Variants in THSD7B observed in about 807,000 individuals in gnomAD.
THSD7B encodes thrombospondin type-1 domain-containing protein 7B.
THSD7B carries 138 observed loss-of-function variants against 213.6 expected under a neutral mutation model. The ratio of observed to expected loss-of-function variants is 0.65; its 90% CI spans 0.56 to 0.74. The LOEUF (loss-of-function observed/expected upper bound fraction) is 0.74, where lower values mean the gene tolerates loss of function less well. THSD7B is among the 30% of genes least tolerant of loss of function. The pLI is 0.00. For synonymous variants in THSD7B, 742 were observed against 687.0 expected (o/e 1.08, Z -1.25); for missense variants, 1,931 against 1,991.5 (o/e 0.97, Z 0.58).
chr2:137,251,399 T>C (rs907792614), intron 10 of THSD7B, among the ~76,000 whole-genome samples: 24 of 152,210 alleles, frequency 1.6e-4, no homozygotes, highest in African/African-American at 4.6e-4. Context: ...CTGTCTATTA[T>C]CTGTAATGAA....
intron 12 of THSD7B, among the ~76,000 whole-genome samples, chr2:137,388,047 A>G (rs1685935466): frequency 6.6e-6 from 1 of 152,210 alleles, no homozygotes; most frequent in African/African-American, 2.4e-5. Context: ...ATCATGTAAG[A>G]GAGACTCTAG....
Position 137,519,914 on chromosome 2 carries a change from G to A in THSD7B, c.3139-43307G>A, listed in dbSNP as rs186768726. On this transcript the variant is annotated intron_variant, in intron 15 of 27. Transcript: ENST00000409968. ...ACATATCTCAGAGAATGAGTGAATC[G>A]CAGCAAGAGAATATAAAGTTTTCAG... 2.6e-5 allele frequency among the ~76,000 whole-genome samples: 4 copies of A among 152,230 alleles called. No individual in the cohort carries two copies. In the East Asian group the frequency reaches 5.8e-4, roughly 22 times the overall value.
intron 2 of THSD7B, among the ~76,000 whole-genome samples, chr2:137,047,456 G>C (rs1433341600): frequency 6.6e-6 from 1 of 152,200 alleles, no homozygotes; most frequent in Non-Finnish European, 1.5e-5. Flanking sequence ...GCAGTGAAAG[G>C]AAAGTGACTT....
chr2:137,376,821 C>G (rs1685667549), intron 12 of THSD7B, among the ~76,000 whole-genome samples: 1 of 152,178 alleles, frequency 6.6e-6, no homozygotes, highest in South Asian at 2.1e-4. Flanking sequence ...ACACAGAATT[C>G]TGATGCAGGA....
At chr2:137,580,325 T>G (rs1681548008) in intron 17 of THSD7B, among the ~76,000 whole-genome samples, 1 of 152,180 alleles carries the variant, frequency 6.6e-6, no homozygotes, top group Non-Finnish European at 1.5e-5. Flanking sequence ...CTTCCATCTG[T>G]GTATCTAATT....
chr2:137,384,088 A>T (rs1324479684), intron 12 of THSD7B, among the ~76,000 whole-genome samples: 1 of 152,134 alleles, frequency 6.6e-6, no homozygotes, highest in Admixed American at 6.6e-5. Context: ...GGCACCTGAT[A>T]CCTAGCTTTG....
At chr2:137,243,106 A>T (rs1359126390) in intron 10 of THSD7B, among the ~76,000 whole-genome samples, 3 of 152,216 alleles carry the variant, frequency 2.0e-5, no homozygotes, top group African/African-American at 4.8e-5. Flanking sequence ...ATCTGGGTAT[A>T]TTTGAAGGTA....
rs906760318 is a variant in THSD7B, at chr2:137,503,418, C to T, written c.3138+52395C>T. 3.3e-5 allele frequency among the ~76,000 whole-genome samples: 5 copies of T among 152,118 alleles called. No individual in the cohort carries two copies. In the East Asian group the frequency reaches 9.6e-4, roughly 29 times the overall value. ...CAGCTATTCCCCATTTTAAGCTTGTCCTACACCCTGTATGAATAAACATGT... is the reference window on the plus strand; with the variant it reads ...CAGCTATTCCCCATTTTAAGCTTGTTCTACACCCTGTATGAATAAACATGT... On this transcript the variant is annotated intron_variant, in intron 15 of 27. Transcript: ENST00000409968.
chr2:137,271,744 G>A (rs1176038906), intron 10 of THSD7B, among the ~76,000 whole-genome samples: 1 of 151,854 alleles, frequency 6.6e-6, no homozygotes, highest in African/African-American at 2.4e-5. Flanking sequence ...AGAGATTTGT[G>A]TGTGCATTTA....
At chr2:137,116,000 GA>G (rs1170126730) in intron 5 of THSD7B, among the ~76,000 whole-genome samples, 1 of 152,206 alleles carries the variant, frequency 6.6e-6, no homozygotes. Context: ...ACTCCCTGCA[GA>G]AGTGGTAAAG....
chr2:137,623,563 T>C (rs1682562660), intron 20 of THSD7B, among the ~76,000 whole-genome samples: 1 of 152,200 alleles, frequency 6.6e-6, no homozygotes, highest in Non-Finnish European at 1.5e-5. Flanking sequence ...ATGACATGAT[T>C]GTATATTGAG....
At chr2:136,822,528 A>T (rs1009008867) in intron 1 of THSD7B, among the ~76,000 whole-genome samples, 16 of 152,076 alleles carry the variant, frequency 1.1e-4, no homozygotes, top group African/African-American at 3.6e-4. Flanking sequence ...AACAGTCATT[A>T]TTTTCCCCAT....
At chr2:137,271,438 A>ATGGCTTCATTC (rs1682735107) in intron 10 of THSD7B, among the ~76,000 whole-genome samples, 9 of 134,750 alleles carry the variant, frequency 6.7e-5, no homozygotes, top group African/African-American at 2.0e-4. Context: ...TAATATATAT[A>ATGGCTTCATTC]ATATAATATA....
At chr2:137,622,217 C>A (rs1682533299) in intron 20 of THSD7B, among the ~76,000 whole-genome samples, 1 of 151,708 alleles carries the variant, frequency 6.6e-6, no homozygotes, top group Admixed American at 6.6e-5. Context: ...AACTCATGTT[C>A]CTCTCACATG....
intron 4 of THSD7B, among the ~76,000 whole-genome samples, chr2:137,104,624 G>GT (rs1382940856): frequency 3.3e-5 from 5 of 152,092 alleles, no homozygotes; most frequent in African/African-American, 1.2e-4. Context: ...CCAAGAGCTT[G>GT]TTTTTTGAAA....
chr2:137,491,411 A>G (rs1688603858), intron 15 of THSD7B, among the ~76,000 whole-genome samples: 6 of 152,218 alleles, frequency 3.9e-5, no homozygotes, highest in African/African-American at 1.4e-4. Context: ...AACTATTACT[A>G]TTTCTGAATT....
intron 1 of THSD7B, among the ~76,000 whole-genome samples, chr2:136,805,655 C>T (rs1017827814): frequency 6.6e-6 from 1 of 152,242 alleles, no homozygotes; most frequent in Admixed American, 6.5e-5. Context: ...CATCTTCAGG[C>T]TCCTTTGCCC....
chr2:137,160,179 A>C (rs780542391), intron 5 of THSD7B, 34 bp from the exon 6 acceptor site: 2 of 1,593,536 alleles, frequency 1.3e-6, no homozygotes, highest in East Asian at 2.3e-5. Context: ...TGTCCAGAGA[A>C]TGTGACATGG....
At chr2:137,160,401 T>G in intron 6 of THSD7B, 33 bp downstream of exon 6, 1 of 1,606,746 alleles carries the variant, frequency 6.2e-7, no homozygotes, top group South Asian at 1.1e-5. Flanking sequence ...CTTCATTTGC[T>G]GTCAGCGTAC....
Sources: allele counts gnomAD v4.1 joint callset (sites outside exome capture counted in the v4.1 genomes callset), GRCh38; gene constraint gnomAD v4.1.1; transcripts MANE v1.5; gene names NCBI Gene and HGNC (gene_info 2026-07-23, HGNC 2026-07-21).